TBC1D19: variants seen among roughly 807,000 people sequenced by gnomAD.
TBC1D19 encodes TBC1 domain family, member 19.
A neutral mutation model predicts 89.0 loss-of-function variants in TBC1D19; 60 were observed. The ratio of observed to expected loss-of-function variants is 0.67; its 90% CI spans 0.55 to 0.84. The LOEUF is 0.84. Among genes scored for constraint, TBC1D19 ranks in the 40% least tolerant of loss-of-function variants. The probability of loss-of-function intolerance (pLI) is 0.00; values close to 1 mark genes in which losing one functional copy is unlikely to be tolerated. For missense variants in TBC1D19, 500 were observed against 610.8 expected (o/e 0.82, Z 1.91); for synonymous variants, 189 against 199.7 (o/e 0.95, Z 0.45).
intron 7 of TBC1D19, among the ~76,000 whole-genome samples, chr4:26,647,183 A>T (rs1241964885): frequency 6.6e-6 from 1 of 152,138 alleles, no homozygotes; most frequent in Non-Finnish European, 1.5e-5. Context: ...AAAGATAATG[A>T]TCACCTTCAA....
intron 5 of TBC1D19, among the ~76,000 whole-genome samples, chr4:26,637,780 A>C (rs574172041): frequency 6.6e-6 from 1 of 152,338 alleles, no homozygotes; most frequent in East Asian, 1.9e-4. Flanking sequence ...TGCTATAATA[A>C]TTATTATAAC....
chr4:26,604,840 C>T (rs758757487), intron 1 of TBC1D19, among the ~76,000 whole-genome samples: 5 of 151,766 alleles, frequency 3.3e-5, no homozygotes, highest in Non-Finnish European at 7.4e-5. Flanking sequence ...GAGATCATCG[C>T]GCCACTGCAC....
chr4:26,693,951 T>C (rs1308556458), intron 13 of TBC1D19, among the ~76,000 whole-genome samples: 1 of 152,126 alleles, frequency 6.6e-6, no homozygotes, highest in Non-Finnish European at 1.5e-5. Flanking sequence ...ACAGCTCCAG[T>C]CTACAGCTCC....
chr4:26,603,124 G>T (rs2109987370), intron 1 of TBC1D19, among the ~76,000 whole-genome samples: 1 of 152,268 alleles, frequency 6.6e-6, no homozygotes, highest in African/African-American at 2.4e-5. Context: ...GCCATTTTAT[G>T]TTGCCAACGA....
At chr4:26,814,463 C>T in the TBC1D19 span, among the ~76,000 whole-genome samples, 37 of 152,260 alleles carry the variant, frequency 2.4e-4, no homozygotes, top group African/African-American at 8.7e-4. Flanking sequence ...TATAACAATG[C>T]CCTACTCTGA....
At chr4:26,814,877 C>T in the TBC1D19 span, among the ~76,000 whole-genome samples, 1 of 152,136 alleles carries the variant, frequency 6.6e-6, no homozygotes, top group Non-Finnish European at 1.5e-5. Flanking sequence ...AGAAAGTTAT[C>T]TGGATGTCGT....
the TBC1D19 span, among the ~76,000 whole-genome samples, chr4:26,763,456 A>G: frequency 6.6e-6 from 1 of 152,230 alleles, no homozygotes; most frequent in Admixed American, 6.5e-5. Flanking sequence ...CCAGGTTTTT[A>G]GACAAACTCA....
chr4:26,776,359 A>T, the TBC1D19 span, among the ~76,000 whole-genome samples: 2 of 152,296 alleles, frequency 1.3e-5, no homozygotes, highest in Middle Eastern at 3.4e-3. Flanking sequence ...ATAATCATTC[A>T]TTTGCTTTAT....
At chr4:26,718,147 T>G (rs1650841381) in intron 14 of TBC1D19, 130 bp downstream of exon 14, 1 of 651,554 alleles carries the variant, frequency 1.5e-6, no homozygotes, top group African/African-American at 1.8e-5. Flanking sequence ...CAGATGACCG[T>G]AATTATCCTT....
chr4:26,767,070 T>G, the TBC1D19 span, among the ~76,000 whole-genome samples: 1 of 152,090 alleles, frequency 6.6e-6, no homozygotes, highest in African/African-American at 2.4e-5. Flanking sequence ...TTTGAGAGGC[T>G]GAGGCAGGAG....
At chr4:26,753,486 C>CA (rs891023183) in intron 19 of TBC1D19, among the ~76,000 whole-genome samples, 125 of 151,794 alleles carry the variant, frequency 8.2e-4, no homozygotes, top group Non-Finnish European at 1.6e-3. Flanking sequence ...AAAACAAAAA[C>CA]AAAAAAAACT....
At chr4:26,764,311 T>C in the TBC1D19 span, among the ~76,000 whole-genome samples, 1 of 152,198 alleles carries the variant, frequency 6.6e-6, no homozygotes, top group African/African-American at 2.4e-5. Flanking sequence ...AGAATCTAGC[T>C]GCCCACAGTG....
At chr4:26,735,542 T>G in intron 16 of TBC1D19, 55 bp downstream of exon 16, 2 of 1,413,932 alleles carry the variant, frequency 1.4e-6, no homozygotes, top group South Asian at 2.8e-5. Context: ...ATGTTATCTG[T>G]CAATTTAAAA....
intron 18 of TBC1D19, 93 bp downstream of exon 18, chr4:26,742,692 CAG>C: frequency 1.2e-6 from 1 of 860,306 alleles, no homozygotes; most frequent in South Asian, 2.2e-5. Flanking sequence ...CGTAATTTTT[CAG>C]AGACATTAAG....
At chr4:26,659,553 T>C in intron 7 of TBC1D19, 44 bp from the exon 8 acceptor site, 1 of 1,307,048 alleles carries the variant, frequency 7.7e-7, no homozygotes, top group Admixed American at 1.7e-5. Context: ...AGTGTAAACA[T>C]CCTGGAAAGA....
chr4:26,623,999 A>T (rs925268804), intron 4 of TBC1D19, among the ~76,000 whole-genome samples: 1 of 152,110 alleles, frequency 6.6e-6, no homozygotes, highest in African/African-American at 2.4e-5. Context: ...GATTATTCCC[A>T]GTTGCCTAAA....
intron 17 of TBC1D19, 76 bp downstream of exon 17, chr4:26,740,049 T>C (rs899799525): frequency 1.2e-4 from 113 of 942,030 alleles, no homozygotes; most frequent in Non-Finnish European, 1.6e-4. Context: ...GAAAAAGTCT[T>C]CTACTCAAAT....
intron 3 of TBC1D19, among the ~76,000 whole-genome samples, chr4:26,615,558 G>T (rs1295983058): frequency 6.6e-6 from 1 of 151,666 alleles, no homozygotes; most frequent in African/African-American, 2.4e-5. Flanking sequence ...TTTGTTAACT[G>T]GGAAATGACA....
At chr4:26,718,743 GTC>G (rs1378200042) in intron 14 of TBC1D19, among the ~76,000 whole-genome samples, 1 of 151,936 alleles carries the variant, frequency 6.6e-6, no homozygotes, top group African/African-American at 2.4e-5. Context: ...GTTTTCTTAG[GTC>G]CATTGCTTCT....
Sources: gnomAD v4.1 joint callset for allele counts (sites outside exome capture counted in the v4.1 genomes callset) on GRCh38, gnomAD v4.1.1 for gene constraint, MANE v1.5 for transcripts, NCBI Gene and HGNC (gene_info 2026-07-23, HGNC 2026-07-21) for gene names.